The following MTRR variants were observed in gnomAD, a reference collection of about 807,000 sequenced individuals.
MTRR encodes 5-methyltetrahydrofolate-homocysteine methyltransferase reductase.
MTRR carries 63 observed loss-of-function variants against 79.2 expected under a neutral mutation model. That is an observed-to-expected ratio of 0.80 (90% CI 0.65 to 0.98). MTRR has a LOEUF of 0.98. Ranked by LOEUF, MTRR falls within the 50% of genes least tolerant of loss-of-function variation. The pLI, the probability that MTRR is intolerant of heterozygous loss-of-function variation, is 0.00. For synonymous variants in MTRR, 355 were observed against 313.3 expected, an observed-to-expected ratio of 1.13 and a Z score of -1.41; for missense variants, 895 against 839.6, an observed-to-expected ratio of 1.07 and a Z score of -0.82.
intron 11 of MTRR, chr5:7,893,122 C>T (rs1294284895): frequency 4.9e-6 from 3 of 617,580 alleles, no homozygotes; most frequent in Admixed American, 2.9e-5. Context: ...ATGTATAAAG[C>T]ATGAATTTTA....
intron 10 of MTRR, among the ~76,000 whole-genome samples, chr5:7,891,721 CAG>C (rs1479012638): frequency 1.3e-5 from 2 of 152,122 alleles, no homozygotes; most frequent in African/African-American, 4.8e-5. Context: ...CAGCCGGAGG[CAG>C]GGGAGACAGA....
At chr5:7,867,402 G>C, upstream of MTRR, 1 of 1,614,206 alleles carries the variant, frequency 6.2e-7, no homozygotes, top group African/African-American at 1.3e-5. Context: ...GAACTGTGCA[G>C]TGTAATCAGA....
At chr5:7,889,701 T>C (rs914616622) in intron 9 of MTRR, among the ~76,000 whole-genome samples, 2 of 152,192 alleles carry the variant, frequency 1.3e-5, no homozygotes, top group Non-Finnish European at 2.9e-5. Context: ...GAACATCATA[T>C]TTAATTGAAA....
chr5:7,872,685 T>A (rs996234045), intron 2 of MTRR, among the ~76,000 whole-genome samples: 1 of 152,190 alleles, frequency 6.6e-6, no homozygotes, highest in African/African-American at 2.4e-5. Context: ...TGCTGAAGAT[T>A]TCAGAGCTGT....
intron 4 of MTRR, among the ~76,000 whole-genome samples, chr5:7,876,788 G>A (rs909018874): frequency 5.9e-5 from 9 of 152,120 alleles, no homozygotes; most frequent in Non-Finnish European, 1.2e-4. Context: ...TGTAAGCTTC[G>A]TAGGAGGGTC....
At chr5:7,861,170 T>TA in intron 1 of MTRR, 2 of 1,607,616 alleles carry the variant, frequency 1.2e-6, no homozygotes, top group Non-Finnish European at 1.7e-6. Context: ...GATAACCGAG[T>TA]AACTGTAGGT....
chr5:7,853,053 C>T (rs530045609), intron 1 of MTRR, among the ~76,000 whole-genome samples: 1 of 152,328 alleles, frequency 6.6e-6, no homozygotes, highest in South Asian at 2.1e-4. Context: ...GAGGGCAAGG[C>T]TACCTACATC....
At chr5:7,891,726 G>A (rs535533303) in intron 10 of MTRR, among the ~76,000 whole-genome samples, 1 of 152,118 alleles carries the variant, frequency 6.6e-6, no homozygotes, top group Non-Finnish European at 1.5e-5. Context: ...GGAGGCAGGG[G>A]AGACAGAAAA....
intron 2 of MTRR, chr5:7,872,402 C>A: frequency 3.2e-6 from 1 of 312,028 alleles, no homozygotes; most frequent in African/African-American, 2.2e-5. Context: ...CAGCTTATAG[C>A]TAATGATATT....
chr5:7,857,287 C>T (rs1228263622), intron 1 of MTRR, among the ~76,000 whole-genome samples: 2 of 152,144 alleles, frequency 1.3e-5, no homozygotes, highest in Non-Finnish European at 2.9e-5. Context: ...TTTGTTTGTA[C>T]AGGTATAGAC....
At position 7,896,282 on chromosome 5, in the gene MTRR, TCAGAA is replaced by T. The variant is rs555570035; in HGVS notation, c.1676+436_1676+440del. Among the ~76,000 whole-genome samples the T allele has an allele frequency of 9.6e-4, 146 of 152,384 alleles. 1 individual carries two copies. The highest frequency in any genetic ancestry group is 3.0e-3 in the African/African-American group (126 of 41,590). ...GAATGTTAATAAGTTTAACTTCATATCAGAACAGAAGTATTTGATATGAAATAAGT... is the reference window on the plus strand; with the variant it reads ...GAATGTTAATAAGTTTAACTTCATATCAGAAGTATTTGATATGAAATAAGT... On this transcript the variant is annotated intron_variant, in intron 12 of 14. Transcript: ENST00000440940.
rs757551118 is a variant in MTRR, at chr5:7,869,207, G to T, written c.-34G>T. On this transcript the variant is annotated 5_prime_UTR_variant, in exon 1 of 15. Transcript: ENST00000440940. ...TTGTGCAGGTTCGTGCCCGGCTGGC[G>T]CGGCGTGGGTAAGCTGCCTGTCGGC... The T allele has an allele frequency of 1.2e-6, 2 of 1,607,778 alleles. No individual in the cohort carries two copies. The highest frequency in any genetic ancestry group is 3.3e-5 in the Admixed American group (2 of 59,990).
At position 7,900,927 on chromosome 5, in the gene MTRR, C is replaced by G. The variant is rs972407877; in HGVS notation, c.*869C>G. The G allele has an allele frequency of 6.6e-6, 1 of 152,042 alleles. No individual in the cohort carries two copies. Among genetic ancestry groups the G allele is most frequent in the Admixed American group, 6.6e-5 (1 of 15,252 alleles). The allele number at this position is 152,042 out of a possible 1,614,324, so 9.4% of individuals were successfully genotyped here. A position where few individuals can be genotyped will look rare whatever the true frequency, so the allele number is the denominator to read the frequency against. ...TAAAATACTGACTTTAGTTAGTATC[C>G]TTGGATTTTTAGATTCCCAGTGTCT... is the stretch of plus-strand genomic sequence containing the variant. On this transcript the variant is annotated 3_prime_UTR_variant, in exon 15 of 15. Transcript: ENST00000440940.
rs1192004077 is a variant in MTRR at position 7,869,169 on chromosome 5, G to T, written c.-72G>T. The T allele has an allele frequency of 9.3e-6, 15 of 1,612,310 alleles. No homozygotes were observed. Among genetic ancestry groups the T allele is most frequent in the Non-Finnish European group, 1.3e-5 (15 of 1,179,848 alleles). ...CGTCAGTGCGCGCTGGCGCAAGGTT[G>T]GTGGAAGTCGCGTTGTGCAGGTTCG... On this transcript the variant is annotated 5_prime_UTR_variant, in exon 1 of 15. Transcript: ENST00000440940.
Position 7,896,441 on chromosome 5 carries a change from A to G in MTRR, c.1677-423A>G, listed in dbSNP as rs1738526917. 1.9e-5 allele frequency: 4 copies of G among 211,328 alleles called. No homozygotes were observed. The South Asian group carries it at 3.4e-4, about 18-fold the overall frequency. 13.1% of individuals were successfully genotyped at this position (211,328 alleles called of 1,614,324 possible). On this transcript the variant is annotated intron_variant, in intron 12 of 14. Transcript: ENST00000440940. ...CGTTTTAATTTTTTCCTTAAGCAAAAGCATAATCACAGATGTCTCTGTCTC... is the reference window on the plus strand; with the variant it reads ...CGTTTTAATTTTTTCCTTAAGCAAAGGCATAATCACAGATGTCTCTGTCTC...
intron 1 of MTRR, chr5:7,859,667 TC>T: frequency 5.3e-6 from 3 of 567,762 alleles, no homozygotes; most frequent in Non-Finnish European, 6.2e-6. Context: ...AAGGCAAATA[TC>T]CCAACCAGCT....
At chr5:7,893,445 CAT>C (rs1188349793) in intron 11 of MTRR, 1 of 161,890 alleles carries the variant, frequency 6.2e-6, no homozygotes. Flanking sequence ...ATTGAGAAGA[CAT>C]ATGGCTGTAA....
At chr5:7,892,462 G>A (rs377128804) in intron 10 of MTRR, among the ~76,000 whole-genome samples, 10 of 152,100 alleles carry the variant, frequency 6.6e-5, no homozygotes, top group African/African-American at 2.4e-4. Context: ...GATCCTTAGG[G>A]CATATTAGAT....
intron 5 of MTRR, among the ~76,000 whole-genome samples, chr5:7,881,176 C>T (rs1188341648): frequency 6.6e-6 from 1 of 152,024 alleles, no homozygotes; most frequent in East Asian, 1.9e-4. Flanking sequence ...TTTTTTACAT[C>T]TGTGTTCTGC....
Sources: allele counts gnomAD v4.1 joint callset (sites outside exome capture counted in the v4.1 genomes callset), GRCh38; gene constraint gnomAD v4.1.1; transcripts MANE v1.5; gene names NCBI Gene and HGNC (gene_info 2026-07-23, HGNC 2026-07-21).